CREB5: variants seen among roughly 807,000 people sequenced by gnomAD.
CREB5 encodes the protein cyclic AMP-responsive element-binding protein 5.
In CREB5, 19 loss-of-function variants were observed where a neutral mutation model predicts 57.1. The observed-to-expected ratio is 0.33, with a 90% CI of 0.23 to 0.49. CREB5 has a LOEUF of 0.49. Among genes scored for constraint, CREB5 ranks in the 20% least tolerant of loss-of-function variants. The pLI, the probability that CREB5 is intolerant of heterozygous loss-of-function variation, is 0.99. For missense variants in CREB5, 579 were observed against 671.6 expected, an observed-to-expected ratio of 0.86 and a Z score of 1.52; for synonymous variants, 238 against 238.3, an observed-to-expected ratio of 1.00 and a Z score of 0.01.
intron 5 of CREB5, among the ~76,000 whole-genome samples, chr7:28,635,389 G>A (rs1312354944): frequency 2.0e-5 from 3 of 152,168 alleles, no homozygotes; most frequent in South Asian, 2.1e-4. Flanking sequence ...CAGTTCTAGA[G>A]GAGGTGGTAG....
At position 28,373,904 on chromosome 7, in the gene CREB5, C is replaced by CATATATATATAT. The variant is rs10585117; in HGVS notation, c.-25+74472_-25+74483dup. On this transcript the variant is annotated intron_variant, in intron 1 of 9. Transcript: ENST00000396299. The stretch of plus-strand genomic sequence containing the variant: ...TCTATCCAACACTTGTTTCTGCATC[C>CATATATATATAT]ATATATATATATATATATATGTATA... Among the ~76,000 whole-genome samples the CATATATATATAT allele has an allele frequency of 3.9e-3, 571 of 146,240 alleles. 5 individuals are homozygous for CATATATATATAT. The highest frequency in any genetic ancestry group is 6.0e-3 in the Non-Finnish European group (400 of 66,450).
At chr7:28,657,504 G>A (rs551039181) in intron 5 of CREB5, among the ~76,000 whole-genome samples, 39 of 152,140 alleles carry the variant, frequency 2.6e-4, no homozygotes, top group African/African-American at 8.2e-4. Flanking sequence ...GCCGAGGCAG[G>A]TGGATCACAA....
intron 7 of CREB5, among the ~76,000 whole-genome samples, chr7:28,754,851 T>C (rs914575900): frequency 3.3e-5 from 5 of 152,170 alleles, no homozygotes; most frequent in African/African-American, 9.7e-5. Flanking sequence ...TTCCAAGATA[T>C]GGGTACTACG....
In CREB5 at chr7:28,402,653, C is replaced by T. The variant is rs113574808; in HGVS notation, c.-24-92253C>T. 3.5e-3 allele frequency among the ~76,000 whole-genome samples: 526 copies of T among 152,244 alleles called. 4 individuals carry two copies. Among genetic ancestry groups the T allele is most frequent in the African/African-American group, 0.012 (508 of 41,538 alleles). On this transcript the variant is annotated intron_variant, in intron 1 of 9. Coordinates refer to the CREB5 transcript ENST00000396299. ...AAGCTGAAACTGGATCCTTTCCTTA[C>T]ACCTCATACAAAAATTAATTCAAGA...
intron 7 of CREB5, among the ~76,000 whole-genome samples, chr7:28,768,034 A>G (rs1247117073): frequency 6.6e-6 from 1 of 152,246 alleles, no homozygotes; most frequent in Non-Finnish European, 1.5e-5. Context: ...TAATTCTATC[A>G]TTTATAAAAT....
chr7:28,378,882 A>T (rs1786901154), intron 1 of CREB5, among the ~76,000 whole-genome samples: 1 of 152,144 alleles, frequency 6.6e-6, no homozygotes, highest in Non-Finnish European at 1.5e-5. Flanking sequence ...ATGAAGATAT[A>T]TTTTTGTCTA....
intron 1 of CREB5, among the ~76,000 whole-genome samples, chr7:28,431,065 A>C (rs1302732423): frequency 6.6e-6 from 1 of 152,214 alleles, no homozygotes; most frequent in Non-Finnish European, 1.5e-5. Flanking sequence ...GGGAGCTTAC[A>C]GTATGACAGC....
intron 4 of CREB5, among the ~76,000 whole-genome samples, chr7:28,561,035 T>TGC (rs1562798715): frequency 1.1e-5 from 1 of 87,766 alleles, no homozygotes; most frequent in African/African-American, 3.7e-5. Flanking sequence ...CGTGTGTGTG[T>TGC]GTGTGTGTGA....
intron 1 of CREB5, among the ~76,000 whole-genome samples, chr7:28,376,753 A>C (rs1786837978): frequency 6.6e-6 from 1 of 152,184 alleles, no homozygotes; most frequent in African/African-American, 2.4e-5. Context: ...CTCATATCAG[A>C]GCCTGAGCCA....
intron 7 of CREB5, among the ~76,000 whole-genome samples, chr7:28,738,513 G>A (rs895009004): frequency 1.3e-5 from 2 of 152,176 alleles, no homozygotes; most frequent in Non-Finnish European, 2.9e-5. Context: ...TCAGCTGTTC[G>A]GTAGACCAGT....
chr7:28,335,239 A>G (rs888379605), intron 1 of CREB5, among the ~76,000 whole-genome samples: 1 of 152,032 alleles, frequency 6.6e-6, no homozygotes, highest in Non-Finnish European at 1.5e-5. Flanking sequence ...GAAGAATGTC[A>G]TTGGTATTTT....
In CREB5 at chr7:28,737,557, ATATATATATATATATATATATATATAT is replaced by A. The variant is rs1562606508; in HGVS notation, c.702+13226_702+13252del. 5.0e-4 allele frequency among the ~76,000 whole-genome samples: 40 copies of A among 80,726 alleles called. 1 individual carries two copies. Among genetic ancestry groups the A allele is most frequent in the African/African-American group, 2.0e-3 (36 of 18,094 alleles). The allele number at this position is 80,726 out of a possible 152,430, so 53.0% of individuals were successfully genotyped here. ...TATATACGTATATATATATATATAT[ATATATATATATATATATATATATATAT>A]ATATTTTTAACTCCTGTTTCAAAGG... On this transcript the variant is annotated intron_variant, in intron 7 of 10. Coordinates refer to ENST00000357727, the MANE Select transcript of CREB5 (RefSeq NM_182898.4).
chr7:28,758,236 T>C (rs1482568338), intron 7 of CREB5, among the ~76,000 whole-genome samples: 2 of 152,190 alleles, frequency 1.3e-5, no homozygotes, highest in East Asian at 1.9e-4. Context: ...CTCACAGGTA[T>C]CTGAGTCCTT....
At chr7:28,742,177 G>A (rs187610867) in intron 7 of CREB5, among the ~76,000 whole-genome samples, 119 of 152,208 alleles carry the variant, frequency 7.8e-4, no homozygotes, top group Non-Finnish European at 1.3e-3. Flanking sequence ...AACCAGAGAT[G>A]GGAGTGATGG....
intron 5 of CREB5, among the ~76,000 whole-genome samples, chr7:28,610,575 C>G (rs530670559): frequency 1.3e-5 from 2 of 152,068 alleles, no homozygotes; most frequent in Non-Finnish European, 2.9e-5. Context: ...ACAGGCTTCC[C>G]GAAGATAAGA....
rs146738709 is a variant in CREB5 at position 28,390,459 on chromosome 7, G to A, written c.-25+91018G>A. ...ATATGTTACTGATCACTTGCCAAAC[G>A]TGGTACTGAAAAGAAATCTTTCCTT... On this transcript the variant is annotated intron_variant, in intron 1 of 9. Transcript: ENST00000396299. Among the ~76,000 whole-genome samples, 922 of 152,250 alleles carry A rather than the reference G, an allele frequency of 6.1e-3. 10 individuals carry two copies. Among genetic ancestry groups the A allele is most frequent in the African/African-American group, 0.021 (871 of 41,552 alleles).
chr7:28,465,821 G>A (rs760975210), intron 1 of CREB5, among the ~76,000 whole-genome samples: 20 of 152,042 alleles, frequency 1.3e-4, no homozygotes, highest in South Asian at 4.2e-4. Context: ...ATAATCTTTC[G>A]CATGAGTGTC....
intron 5 of CREB5, among the ~76,000 whole-genome samples, chr7:28,677,244 G>C (rs565515841): frequency 6.6e-6 from 1 of 152,120 alleles, no homozygotes; most frequent in Non-Finnish European, 1.5e-5. Flanking sequence ...GGATGACCAC[G>C]TAGAAGTGTG....
intron 7 of CREB5, among the ~76,000 whole-genome samples, chr7:28,784,198 T>C (rs886197254): frequency 6.6e-6 from 1 of 152,192 alleles, no homozygotes; most frequent in Non-Finnish European, 1.5e-5. Context: ...ACACTTCAAG[T>C]CTTGGGGCTG....
Sources: gnomAD v4.1 joint callset for allele counts (sites outside exome capture counted in the v4.1 genomes callset) on GRCh38, gnomAD v4.1.1 for gene constraint, MANE v1.5 for transcripts, NCBI Gene and HGNC (gene_info 2026-07-23, HGNC 2026-07-21) for gene names.